BAZ2B: variants seen among roughly 807,000 people sequenced by gnomAD.
BAZ2B encodes the protein bromodomain adjacent to zinc finger domain 2B, also known as bromodomain adjacent to zinc finger domain protein 2B.
Under a neutral mutation model 246.0 loss-of-function variants are expected in BAZ2B, and 91 were observed. The observed-to-expected ratio is 0.37, with a 90% CI of 0.31 to 0.44. The LOEUF (loss-of-function observed/expected upper bound fraction) is 0.44. Ranked by LOEUF, BAZ2B falls within the 20% of genes least tolerant of loss-of-function variation. BAZ2B has a pLI of 1.00. For missense variants in BAZ2B, 2,332 were observed against 2,533.7 expected (o/e 0.92, Z 1.71); for synonymous variants, 855 against 860.0 (o/e 0.99, Z 0.10).
At chr2:159,352,955 C>A (rs2058714574) in intron 27 of BAZ2B, among the ~76,000 whole-genome samples, 1 of 152,158 alleles carries the variant, frequency 6.6e-6, no homozygotes, top group Admixed American at 6.5e-5. Flanking sequence ...GCATGGGCAA[C>A]ATAGTGAGAT....
intron 14 of BAZ2B, among the ~76,000 whole-genome samples, chr2:159,409,189 T>C (rs1442277571): frequency 6.6e-6 from 1 of 152,196 alleles, no homozygotes; most frequent in Non-Finnish European, 1.5e-5. Context: ...ATTTTGGATA[T>C]AACTCATTTC....
chr2:159,420,341 T>TA (rs1162987141), intron 13 of BAZ2B, among the ~76,000 whole-genome samples: 1 of 152,242 alleles, frequency 6.6e-6, no homozygotes, highest in African/African-American at 2.4e-5. Context: ...TTAAGAACTG[T>TA]AGACATTTTA....
intron 2 of BAZ2B, among the ~76,000 whole-genome samples, chr2:159,514,252 C>A (rs528350034): frequency 6.6e-6 from 1 of 152,192 alleles, no homozygotes; most frequent in African/African-American, 2.4e-5. Flanking sequence ...TCCCATGTAC[C>A]TAGAACACCA....
In BAZ2B at chr2:159,371,290, G is replaced by A. The variant is rs143093534; in HGVS notation, c.4213+1755C>T. On this transcript the variant is annotated intron_variant, in intron 27 of 36. Coordinates refer to ENST00000392783, the MANE Select transcript of BAZ2B (RefSeq NM_013450.4). ...CCAGAGTAGCTGGGACTATAGGCAC[G>A]TGTCACTGCATCTGGCTAATTTTTG... Among the ~76,000 whole-genome samples the A allele has an allele frequency of 4.9e-3, 741 of 152,066 alleles. 5 individuals are homozygous for A. Among genetic ancestry groups the A allele is most frequent in the Non-Finnish European group, 8.4e-3 (568 of 67,984 alleles).
chr2:159,517,728 G>C (rs1199552455), intron 2 of BAZ2B, among the ~76,000 whole-genome samples: 1 of 152,102 alleles, frequency 6.6e-6, no homozygotes, highest in Non-Finnish European at 1.5e-5. Flanking sequence ...AGAACACCCA[G>C]GAGAGAAGAC....
chr2:159,701,128 A>G, the BAZ2B span, among the ~76,000 whole-genome samples: 1 of 152,204 alleles, frequency 6.6e-6, no homozygotes, highest in East Asian at 1.9e-4. Context: ...ACAGAATAAA[A>G]TGTATTTCTA....
chr2:159,380,705 C>T (rs574673881), intron 25 of BAZ2B, among the ~76,000 whole-genome samples: 1 of 152,256 alleles, frequency 6.6e-6, no homozygotes, highest in South Asian at 2.1e-4. Context: ...TATTTTGGCA[C>T]ATGCTATGCA....
At position 159,415,857 on chromosome 2, in the gene BAZ2B, G is replaced by C. The variant is rs144162197; in HGVS notation, c.2467-3312C>G. On this transcript the variant is annotated intron_variant, in intron 13 of 36. Transcript: ENST00000392783. The stretch of plus-strand genomic sequence containing the variant: ...CTACATCTCACATTCTAAGTATTGT[G>C]CTTTGTTCCAGATACTTTGAATAGA... Among the ~76,000 whole-genome samples the C allele has an allele frequency of 2.4e-3, 370 of 152,270 alleles. 1 individual carries two copies. The highest frequency in any genetic ancestry group is 8.3e-3 in the African/African-American group (343 of 41,548).
At chr2:159,490,456 A>T (rs2080325890) in intron 2 of BAZ2B, among the ~76,000 whole-genome samples, 1 of 151,838 alleles carries the variant, frequency 6.6e-6, no homozygotes, top group Non-Finnish European at 1.5e-5. Flanking sequence ...TTTCACGTTA[A>T]CTCTTTCCAG....
At chr2:159,577,715 C>T (rs1273428254) in intron 1 of BAZ2B, among the ~76,000 whole-genome samples, 1 of 152,122 alleles carries the variant, frequency 6.6e-6, no homozygotes, top group South Asian at 2.1e-4. Context: ...TATCTTAAAA[C>T]GTATCTGCTT....
chr2:159,503,715 A>T (rs1055861492), intron 2 of BAZ2B, among the ~76,000 whole-genome samples: 1 of 151,606 alleles, frequency 6.6e-6, no homozygotes, highest in African/African-American at 2.4e-5. Context: ...AAGTAGCTGG[A>T]ATTACAGGTG....
chr2:159,430,899 T>A lies in BAZ2B; in HGVS notation c.2158A>T (p.Thr720Ser). The A allele has an allele frequency of 2.5e-6, 4 of 1,613,846 alleles. No homozygotes were observed. Among genetic ancestry groups the A allele is most frequent in the Non-Finnish European group, 3.4e-6 (4 of 1,179,802 alleles). ...CTTGAAGTAAGTGTGGAAGAAGATG[T>A]ACCAAGAAAAGCAGGTGACTGGGAT... ...SESQSPAFLG[T>S]SSSTLTSSPH... Residue 720 changes from threonine to serine, a missense_variant, in exon 10 of 37, where the codon ACA becomes TCA. By Grantham distance (58) the Thr-to-Ser change is moderately conservative. Transcript: ENST00000392783.
the BAZ2B span, among the ~76,000 whole-genome samples, chr2:159,676,440 T>C: frequency 2.0e-5 from 3 of 152,308 alleles, no homozygotes; most frequent in South Asian, 4.1e-4. Context: ...CCACTATTCA[T>C]GGCATTATAT....
At chr2:159,543,953 A>G (rs2086976713) in intron 2 of BAZ2B, among the ~76,000 whole-genome samples, 1 of 152,252 alleles carries the variant, frequency 6.6e-6, no homozygotes, top group South Asian at 2.1e-4. Flanking sequence ...TCTGGCTGAT[A>G]TGACTCAAGT....
intron 1 of BAZ2B, among the ~76,000 whole-genome samples, chr2:159,610,568 A>G (rs1559900810): frequency 6.6e-6 from 1 of 152,104 alleles, no homozygotes; most frequent in Admixed American, 6.5e-5. Flanking sequence ...AATTATCTTC[A>G]AACCAAATGC....
At chr2:159,451,748 A>G (rs573424582) in intron 4 of BAZ2B, among the ~76,000 whole-genome samples, 1 of 152,182 alleles carries the variant, frequency 6.6e-6, no homozygotes, top group Non-Finnish European at 1.5e-5. Flanking sequence ...TGGCTGGGGG[A>G]GCTATCAAAT....
At chr2:159,414,520 C>G (rs1041702120) in intron 13 of BAZ2B, among the ~76,000 whole-genome samples, 1 of 152,082 alleles carries the variant, frequency 6.6e-6, no homozygotes, top group Non-Finnish European at 1.5e-5. Flanking sequence ...ATGCCTGTAT[C>G]AAAATATCTC....
chr2:159,657,766 G>A, the BAZ2B span, among the ~76,000 whole-genome samples: 1 of 152,134 alleles, frequency 6.6e-6, no homozygotes, highest in African/African-American at 2.4e-5. Context: ...ATTGCTCATT[G>A]CTGGAATATA....
chr2:159,645,681 T>C, the BAZ2B span, among the ~76,000 whole-genome samples: 1 of 151,954 alleles, frequency 6.6e-6, no homozygotes, highest in Non-Finnish European at 1.5e-5. Context: ...TTTTCTATTT[T>C]CTCTAAGCAT....
Sources: gnomAD v4.1 joint callset for allele counts (sites outside exome capture counted in the v4.1 genomes callset) on GRCh38, gnomAD v4.1.1 for gene constraint, MANE v1.5 for transcripts, NCBI Gene and HGNC (gene_info 2026-07-23, HGNC 2026-07-21) for gene names.